Variants in ZNF654 observed in about 807,000 individuals in gnomAD.
ZNF654 encodes the protein melanoma-associated antigen.
A neutral mutation model predicts 95.3 loss-of-function variants in ZNF654; 19 were observed. The ratio of observed to expected loss-of-function variants is 0.20; its 90% CI spans 0.14 to 0.29. The LOEUF (loss-of-function observed/expected upper bound fraction) is 0.29, where lower values mean the gene tolerates loss of function less well. Among genes scored for constraint, ZNF654 ranks in the 10% least tolerant of loss-of-function variants. The pLI is 1.00. For synonymous variants in ZNF654, 413 were observed against 457.9 expected, an observed-to-expected ratio of 0.90 and a Z score of 1.25; for missense variants, 1,046 against 1,341.0, an observed-to-expected ratio of 0.78 and a Z score of 3.44.
chr3:88,073,188 C>T (rs1460765534), intron 1 of ZNF654, among the ~76,000 whole-genome samples: 5 of 152,056 alleles, frequency 3.3e-5, no homozygotes, highest in African/African-American at 1.2e-4. Context: ...ATTGGCTCCA[C>T]CCAGACGTAC....
chr3:88,107,737 T>A (rs1704831309), intron 2 of ZNF654, among the ~76,000 whole-genome samples: 1 of 152,160 alleles, frequency 6.6e-6, no homozygotes, highest in Non-Finnish European at 1.5e-5. Context: ...TTTCTTCAGG[T>A]GTATCTAATC....
At chr3:88,126,382 GGAGT>G (rs1706097775) in intron 4 of ZNF654, 113 bp downstream of exon 4, 1 of 1,109,484 alleles carries the variant, frequency 9.0e-7, no homozygotes. Context: ...CTGAATAATG[GGAGT>G]GATGTATTTT....
chr3:88,092,876 G>C (rs1703830292), intron 2 of ZNF654, among the ~76,000 whole-genome samples: 1 of 152,120 alleles, frequency 6.6e-6, no homozygotes, highest in Non-Finnish European at 1.5e-5. Context: ...CCTTCTATCA[G>C]CTGGGACACT....
At position 88,059,511 on chromosome 3, in the gene ZNF654, G is replaced by A. The variant is rs1706714057; in HGVS notation, c.186+6G>A. 6.8e-7 allele frequency: 1 copy of A among 1,466,218 alleles called. No individual in the cohort carries two copies. 90.8% of individuals were successfully genotyped at this position (1,466,218 alleles called of 1,614,324 possible). A position where few individuals can be genotyped will look rare whatever the true frequency, so the allele number is the denominator to read the frequency against. ...ACTGCCGACGCTTCTGTCAGGTGAG[G>A]CGTCCGTTGGCCGCCCCGACTTGTC... On this transcript the variant is annotated splice_donor_region_variant and intron_variant, in intron 1 of 8. Transcript: ENST00000636215.
chr3:88,061,151 A>G (rs1283041472), intron 1 of ZNF654, among the ~76,000 whole-genome samples: 1 of 152,132 alleles, frequency 6.6e-6, no homozygotes, highest in Non-Finnish European at 1.5e-5. Context: ...TAGATTTTGT[A>G]TCTATAGGAA....
At chr3:88,066,603 T>G (rs1707216014) in intron 1 of ZNF654, among the ~76,000 whole-genome samples, 1 of 152,090 alleles carries the variant, frequency 6.6e-6, no homozygotes, top group African/African-American at 2.4e-5. Flanking sequence ...AAACCTCAAT[T>G]TTAATTTTGT....
At chr3:88,086,966 T>C (rs1708365837) in intron 2 of ZNF654, among the ~76,000 whole-genome samples, 4 of 152,150 alleles carry the variant, frequency 2.6e-5, no homozygotes. Flanking sequence ...GTATTTTTAG[T>C]AGAGATGGGG....
intron 1 of ZNF654, among the ~76,000 whole-genome samples, chr3:88,073,202 A>G (rs1257963667): frequency 6.6e-6 from 1 of 152,100 alleles, no homozygotes; most frequent in Non-Finnish European, 1.5e-5. Flanking sequence ...GACGTACAGA[A>G]TCCGGAACTG....
At chr3:88,097,907 A>G (rs1180109237) in intron 2 of ZNF654, among the ~76,000 whole-genome samples, 1 of 152,216 alleles carries the variant, frequency 6.6e-6, no homozygotes, top group Non-Finnish European at 1.5e-5. Flanking sequence ...ACACCCTAAT[A>G]TCACAATTAA....
rs1240066061 is a variant in ZNF654 at position 88,142,951 on chromosome 3, G to A, written c.*1299G>A. 6.6e-6 allele frequency: 1 copy of A among 152,196 alleles called. No homozygotes were observed. Among genetic ancestry groups the A allele is most frequent in the Non-Finnish European group, 1.5e-5 (1 of 67,760 alleles). 9.4% of individuals were successfully genotyped at this position (152,196 alleles called of 1,614,324 possible). A position where few individuals can be genotyped will look rare whatever the true frequency, so the allele number is the denominator to read the frequency against. On this transcript the variant is annotated 3_prime_UTR_variant, in exon 9 of 9. Coordinates refer to ENST00000636215, the MANE Select transcript of ZNF654 (RefSeq NM_001350134.2). The stretch of plus-strand genomic sequence containing the variant: ...GTTTTCCATTTGTCCATTATTGAAA[G>A]GAAGATGCTTAAAGACTTCCTTTTA...
chr3:88,117,128 A>G (rs184008724), intron 3 of ZNF654, among the ~76,000 whole-genome samples: 103 of 152,354 alleles, frequency 6.8e-4, no homozygotes, highest in Middle Eastern at 6.8e-3. Context: ...AGATGGAACT[A>G]TCAAATTGAA....
intron 1 of ZNF654, among the ~76,000 whole-genome samples, chr3:88,076,557 AGTGCATCATCTGTTTTGTTTTGTT>A (rs1707813087): frequency 6.6e-6 from 1 of 151,912 alleles, no homozygotes; most frequent in African/African-American, 2.4e-5. Context: ...GTTAATTGTG[AGTGCATCATCTGTTTTGTTTTGTT>A]TTGTTTTGTT....
At chr3:88,117,708 C>G (rs1295773421) in intron 3 of ZNF654, among the ~76,000 whole-genome samples, 1 of 151,960 alleles carries the variant, frequency 6.6e-6, no homozygotes, top group African/African-American at 2.4e-5. Flanking sequence ...AAAGCACACA[C>G]AATAATCTGG....
At chr3:88,102,696 A>T (rs1360249449) in intron 2 of ZNF654, among the ~76,000 whole-genome samples, 1 of 152,136 alleles carries the variant, frequency 6.6e-6, no homozygotes, top group African/African-American at 2.4e-5. Flanking sequence ...ACCAACAACA[A>T]AACCCATATT....
chr3:88,089,733 T>A (rs996491733), intron 2 of ZNF654, among the ~76,000 whole-genome samples: 5 of 152,140 alleles, frequency 3.3e-5, no homozygotes, highest in African/African-American at 1.2e-4. Context: ...CTACTACAGA[T>A]CCCAAAAATA....
At chr3:88,093,560 A>AC (rs774228689) in intron 2 of ZNF654, among the ~76,000 whole-genome samples, 1 of 152,318 alleles carries the variant, frequency 6.6e-6, no homozygotes, top group African/African-American at 2.4e-5. Context: ...AAGAGAAAAG[A>AC]CCAAAGGGTC....
chr3:88,114,903 T>G (rs1234328934), intron 3 of ZNF654, among the ~76,000 whole-genome samples: 1 of 152,214 alleles, frequency 6.6e-6, no homozygotes, highest in Non-Finnish European at 1.5e-5. Context: ...CCAATAGTGA[T>G]AAGTGACTAA....
chr3:88,113,121 C>T lies in ZNF654; in HGVS notation c.339C>T (p.Phe113=). 6.5e-7 allele frequency: 1 copy of T among 1,531,478 alleles called. No homozygotes were observed. Among genetic ancestry groups the T allele is most frequent in the African/African-American group, 1.4e-5 (1 of 72,930 alleles). 94.9% of individuals were successfully genotyped at this position (1,531,478 alleles called of 1,614,324 possible). A position where few individuals can be genotyped will look rare whatever the true frequency, so the allele number is the denominator to read the frequency against. The stretch of plus-strand genomic sequence containing the variant: ...ATTCACTTATTCTTTCTAGGAGTTT[C>T]TTTGAGTTGCTGCTGTTCTTTGGAA... ...QYVLSSLAVS[F]FELLLFFGRD... The change falls in exon 3 of 9, where the codon TTC becomes TTT. Residue 113 remains phenylalanine, a synonymous_variant. Transcript: ENST00000636215.
chr3:88,136,924 A>AT (rs1361052321), intron 7 of ZNF654, among the ~76,000 whole-genome samples: 4 of 152,062 alleles, frequency 2.6e-5, no homozygotes, highest in African/African-American at 9.7e-5. Context: ...GCTGGGCGCG[A>AT]TGGCTTACAC....
Sources: gnomAD v4.1 joint callset for allele counts (sites outside exome capture counted in the v4.1 genomes callset) on GRCh38, gnomAD v4.1.1 for gene constraint, MANE v1.5 for transcripts, NCBI Gene and HGNC (gene_info 2026-07-23, HGNC 2026-07-21) for gene names.